LRMDA: variants seen among roughly 807,000 people sequenced by gnomAD.
The protein encoded by LRMDA is leucine rich melanocyte differentiation associated.
A neutral mutation model predicts 29.8 loss-of-function variants in LRMDA; 18 were observed. The observed-to-expected ratio is 0.60, with a 90% CI of 0.42 to 0.90. The LOEUF is 0.90. LRMDA is among the 40% of genes least tolerant of loss of function. LRMDA has a pLI of 0.00. For missense variants in LRMDA, 273 were observed against 273.9 expected (o/e 1.00, Z 0.02); for synonymous variants, 125 against 109.4 (o/e 1.14, Z -0.89).
At chr10:75,585,189 G>A (rs1840642083) in intron 2 of LRMDA, among the ~76,000 whole-genome samples, 1 of 152,168 alleles carries the variant, frequency 6.6e-6, no homozygotes, top group Non-Finnish European at 1.5e-5. Context: ...ACACTGTCCT[G>A]TCCTCTAGCA....
At chr10:75,463,210 G>A (rs1239687176) in intron 2 of LRMDA, among the ~76,000 whole-genome samples, 1 of 152,186 alleles carries the variant, frequency 6.6e-6, no homozygotes, top group Non-Finnish European at 1.5e-5. Flanking sequence ...TATGGGATGG[G>A]TGGGCTCTAA....
intron 2 of LRMDA, among the ~76,000 whole-genome samples, chr10:75,654,083 T>C (rs1398443699): frequency 6.6e-6 from 1 of 151,920 alleles, no homozygotes; most frequent in Non-Finnish European, 1.5e-5. Flanking sequence ...TGTGTTGTCT[T>C]CTTTGGCGGA....
chr10:76,229,152 T>G (rs146435654), intron 5 of LRMDA, among the ~76,000 whole-genome samples: 19 of 152,318 alleles, frequency 1.2e-4, no homozygotes, highest in African/African-American at 4.1e-4. Flanking sequence ...ACCAAGTATG[T>G]CTTTGTTGGG....
chr10:76,309,931 C>A (rs1385626493), intron 5 of LRMDA, among the ~76,000 whole-genome samples: 1 of 152,208 alleles, frequency 6.6e-6, no homozygotes, highest in Non-Finnish European at 1.5e-5. Flanking sequence ...ATTAAAGAGG[C>A]CATTCATCAC....
intron 6 of LRMDA, among the ~76,000 whole-genome samples, chr10:76,376,313 A>G (rs948028154): frequency 1.1e-4 from 17 of 152,202 alleles, no homozygotes; most frequent in African/African-American, 4.1e-4. Flanking sequence ...GTTGCTGCAG[A>G]AAACATAATT....
At chr10:76,180,142 A>G (rs1470862740) in intron 5 of LRMDA, among the ~76,000 whole-genome samples, 1 of 151,734 alleles carries the variant, frequency 6.6e-6, no homozygotes, top group Non-Finnish European at 1.5e-5. Context: ...GATGATAGGG[A>G]AAAAAAAGGC....
At chr10:75,996,389 A>G (rs1589281309) in intron 2 of LRMDA, among the ~76,000 whole-genome samples, 1 of 152,116 alleles carries the variant, frequency 6.6e-6, no homozygotes, top group Non-Finnish European at 1.5e-5. Context: ...ATTTTCCCCT[A>G]TTTATTAAAG....
intron 6 of LRMDA, among the ~76,000 whole-genome samples, chr10:76,533,459 A>G (rs971007731): frequency 6.6e-6 from 1 of 152,112 alleles, no homozygotes; most frequent in African/African-American, 2.4e-5. Context: ...CATTGTTGAA[A>G]TTGTTGCTGG....
At chr10:75,788,747 G>A (rs1843516841) in intron 2 of LRMDA, among the ~76,000 whole-genome samples, 1 of 152,202 alleles carries the variant, frequency 6.6e-6, no homozygotes, top group Admixed American at 6.5e-5. Flanking sequence ...TTGGTGCATT[G>A]CCACACAGAA....
intron 6 of LRMDA, among the ~76,000 whole-genome samples, chr10:76,389,010 C>G (rs1020367648): frequency 4.6e-5 from 7 of 152,114 alleles, no homozygotes; most frequent in African/African-American, 1.7e-4. Flanking sequence ...CCTGCCTAAC[C>G]CTGACACAGG....
At chr10:76,257,230 C>T (rs575860479) in intron 5 of LRMDA, among the ~76,000 whole-genome samples, 8 of 151,556 alleles carry the variant, frequency 5.3e-5, no homozygotes, top group South Asian at 2.1e-4. Flanking sequence ...TTACTAATTA[C>T]GTGCTTATAA....
intron 5 of LRMDA, among the ~76,000 whole-genome samples, chr10:76,237,671 C>T (rs954818540): frequency 1.3e-5 from 2 of 151,400 alleles, no homozygotes; most frequent in African/African-American, 4.9e-5. Flanking sequence ...GCAATTCCTG[C>T]TTTCAGTGGC....
At chr10:76,312,478 G>A (rs1280318552) in intron 5 of LRMDA, among the ~76,000 whole-genome samples, 3 of 151,984 alleles carry the variant, frequency 2.0e-5, no homozygotes, top group South Asian at 2.1e-4. Context: ...AACTTGACCC[G>A]TAGCCCTCAA....
At chr10:75,924,058 G>A (rs542779236) in intron 2 of LRMDA, among the ~76,000 whole-genome samples, 11 of 152,270 alleles carry the variant, frequency 7.2e-5, no homozygotes, top group South Asian at 2.1e-4. Context: ...TAGTTGGCAC[G>A]CTGACATTTT....
chr10:76,158,141 ACTAT>A (rs1326566843), intron 5 of LRMDA, among the ~76,000 whole-genome samples: 2 of 152,200 alleles, frequency 1.3e-5, no homozygotes, highest in East Asian at 3.9e-4. Context: ...GCCATCATAG[ACTAT>A]CTATAACTTC....
At chr10:76,432,181 A>T (rs944559380) in intron 6 of LRMDA, among the ~76,000 whole-genome samples, 10 of 152,092 alleles carry the variant, frequency 6.6e-5, no homozygotes, top group Non-Finnish European at 1.5e-5. Flanking sequence ...TCCAGTGTGT[A>T]TAAAAGTGAA....
Position 76,447,847 on chromosome 10 carries a change from T to C in LRMDA, c.602-109362T>C, listed in dbSNP as rs543624287. ...TCTAACCTAGAGTTCAACAACCCCA[T>C]GGTTCCAGCATTTTTTCCTTGATGT... On this transcript the variant is annotated intron_variant, in intron 6 of 6. Transcript: ENST00000611255. Among the ~76,000 whole-genome samples the C allele has an allele frequency of 6.8e-4, 104 of 152,314 alleles. 1 individual carries two copies. Among genetic ancestry groups the C allele is most frequent in the Middle Eastern group, 3.4e-3 (1 of 294 alleles).
chr10:76,513,397 C>A (rs1843027548), intron 6 of LRMDA, among the ~76,000 whole-genome samples: 1 of 151,992 alleles, frequency 6.6e-6, no homozygotes, highest in Non-Finnish European at 1.5e-5. Context: ...TTTCCCCCAC[C>A]ACTCACTTTT....
At chr10:76,349,075 T>A (rs886349974) in intron 6 of LRMDA, among the ~76,000 whole-genome samples, 2 of 152,174 alleles carry the variant, frequency 1.3e-5, no homozygotes, top group Non-Finnish European at 2.9e-5. Context: ...GGCATGAGTG[T>A]CTTTGTGGCA....
Sources: gnomAD v4.1 joint callset for allele counts (sites outside exome capture counted in the v4.1 genomes callset) on GRCh38, gnomAD v4.1.1 for gene constraint, MANE v1.5 for transcripts, NCBI Gene and HGNC (gene_info 2026-07-23, HGNC 2026-07-21) for gene names.